NAPB: variants seen among roughly 807,000 people sequenced by gnomAD.
NAPB encodes NSF attachment protein beta.
Under a neutral mutation model 44.7 loss-of-function variants are expected in NAPB, and 26 were observed. That is an observed-to-expected ratio of 0.58 (90% CI 0.43 to 0.81). The LOEUF is 0.81. NAPB is among the 30% of genes least tolerant of loss of function. The pLI, the probability that NAPB is intolerant of heterozygous loss-of-function variation, is 0.00. For synonymous variants in NAPB, 120 were observed against 116.8 expected, an observed-to-expected ratio of 1.03 and a Z score of -0.18; for missense variants, 315 against 356.4, an observed-to-expected ratio of 0.88 and a Z score of 0.94.
At chr20:23,381,456 A>T in intron 7 of NAPB, 139 bp from the exon 8 acceptor site, 1 of 543,044 alleles carries the variant, frequency 1.8e-6, no homozygotes, top group Non-Finnish European at 3.2e-6. Context: ...TTATCCGAAT[A>T]CCATATAGTA....
At chr20:23,404,572 C>T (rs891866559) in intron 1 of NAPB, among the ~76,000 whole-genome samples, 1 of 152,066 alleles carries the variant, frequency 6.6e-6, no homozygotes, top group Non-Finnish European at 1.5e-5. Flanking sequence ...TTTTGGCATG[C>T]GTAAACTGAA....
chr20:23,379,322 C>T, intron 10 of NAPB, 123 bp downstream of exon 10: 1 of 692,768 alleles, frequency 1.4e-6, no homozygotes. Flanking sequence ...TTGGAAAATA[C>T]AACTTAAGGT....
chr20:23,379,806 C>G, intron 9 of NAPB, 61 bp downstream of exon 9: 2 of 1,245,466 alleles, frequency 1.6e-6, no homozygotes, highest in South Asian at 1.2e-5. Flanking sequence ...CCCAATCCCA[C>G]TTAGGTGTTG....
intron 1 of NAPB, among the ~76,000 whole-genome samples, chr20:23,417,493 T>G (rs148587954): frequency 1.8e-4 from 28 of 152,258 alleles, no homozygotes; most frequent in Admixed American, 7.2e-4. Flanking sequence ...GCTTTTCCAA[T>G]TCAAAACTAT....
chr20:23,389,288 G>C (rs930869490), intron 7 of NAPB, among the ~76,000 whole-genome samples: 3 of 149,400 alleles, frequency 2.0e-5, no homozygotes, highest in Non-Finnish European at 3.0e-5. Context: ...GGAGAAACTG[G>C]AACACTGTGC....
At chr20:23,402,954 A>C in intron 2 of NAPB, 39 bp downstream of exon 2, 1 of 1,497,494 alleles carries the variant, frequency 6.7e-7, no homozygotes, top group South Asian at 1.2e-5. Flanking sequence ...GTGATTTTAA[A>C]CCATTTGCCT....
chr20:23,382,290 T>A (rs1983072479), intron 7 of NAPB, among the ~76,000 whole-genome samples: 1 of 151,058 alleles, frequency 6.6e-6, no homozygotes, highest in Admixed American at 6.6e-5. Flanking sequence ...TGAGGTAACA[T>A]CCCCACCTTC....
At chr20:23,407,966 G>A (rs1380873579) in intron 1 of NAPB, among the ~76,000 whole-genome samples, 4 of 152,148 alleles carry the variant, frequency 2.6e-5, no homozygotes, top group Admixed American at 6.5e-5. Context: ...AGGAGACATC[G>A]TAGAATTGTG....
intron 1 of NAPB, among the ~76,000 whole-genome samples, chr20:23,420,404 T>A (rs1447449588): frequency 6.6e-6 from 1 of 151,612 alleles, no homozygotes; most frequent in Non-Finnish European, 1.5e-5. Context: ...AGTCAAGTAT[T>A]TACTAAAGGT....
chr20:23,383,827 CA>C (rs1983241219), intron 7 of NAPB, among the ~76,000 whole-genome samples: 1 of 152,066 alleles, frequency 6.6e-6, no homozygotes, highest in Non-Finnish European at 1.5e-5. Context: ...ATGGCTGAAA[CA>C]AAAATTCTAA....
chr20:23,385,776 AGAG>A, intron 7 of NAPB, among the ~76,000 whole-genome samples: 1 of 151,964 alleles, frequency 6.6e-6, no homozygotes, highest in African/African-American at 2.4e-5. Context: ...AGAGAGAGAG[AGAG>A]AGAGAAAGAG....
intron 7 of NAPB, among the ~76,000 whole-genome samples, chr20:23,384,005 G>GAT (rs1290367698): frequency 6.6e-6 from 1 of 152,158 alleles, no homozygotes; most frequent in African/African-American, 2.4e-5. Flanking sequence ...GCTACACAAA[G>GAT]ATATATACCA....
In NAPB at chr20:23,421,276, C is replaced by G. The variant is rs768759573; in HGVS notation, c.98+29G>C. ...GGGGCCAAGTACGGAGACCCCCCCCCCCCAGGGCACGCACGGTCTGGCGCT... is the reference window on the plus strand; with the variant it reads ...GGGGCCAAGTACGGAGACCCCCCCCGCCCAGGGCACGCACGGTCTGGCGCT... On this transcript the variant is annotated intron_variant, in intron 1 of 10. Coordinates refer to ENST00000377026, the MANE Select transcript of NAPB (RefSeq NM_022080.3). 79 of 1,452,838 alleles carry G rather than the reference C, an allele frequency of 5.4e-5. 1 individual carries two copies. The highest frequency in any genetic ancestry group is 3.0e-4 in the Admixed American group (13 of 43,568). 90.0% of individuals were successfully genotyped at this position (1,452,838 alleles called of 1,614,324 possible).
intron 8 of NAPB, 129 bp downstream of exon 8, chr20:23,381,084 A>C (rs1372282859): frequency 1.2e-5 from 8 of 680,324 alleles, no homozygotes; most frequent in Non-Finnish European, 1.3e-5. Context: ...CCACAGAATA[A>C]TACTTATTTT....
chr20:23,389,226 T>C (rs1217444219), intron 7 of NAPB, among the ~76,000 whole-genome samples: 4 of 125,900 alleles, frequency 3.2e-5, no homozygotes, highest in Non-Finnish European at 1.6e-5. Flanking sequence ...AGGGTGACTA[T>C]TATTTAAAAA....
chr20:23,417,664 T>C (rs1372832694), intron 1 of NAPB, among the ~76,000 whole-genome samples: 3 of 152,178 alleles, frequency 2.0e-5, no homozygotes, highest in Non-Finnish European at 4.4e-5. Flanking sequence ...CGTACTATAC[T>C]ACAAACTTGA....
intron 8 of NAPB, among the ~76,000 whole-genome samples, chr20:23,380,204 CAG>C (rs1982882713): frequency 6.6e-6 from 1 of 152,188 alleles, no homozygotes; most frequent in Non-Finnish European, 1.5e-5. Context: ...ACTCACAGAC[CAG>C]GTATCTGTAT....
In NAPB at chr20:23,394,963, T is replaced by G; in HGVS notation, c.379A>C (p.Ile127Leu). The change falls in exon 5 of 11, where the codon ATT becomes CTT. Residue 127 changes from isoleucine (I) to leucine (L), a missense_variant. Coordinates refer to ENST00000377026, the MANE Select transcript of NAPB (RefSeq NM_022080.3). ...AGTTCAGTCTCATAGATCTCTGCAA[T>G]AGTAATGTGGTGCTTGGCTGCAATT... ...FTIAAKHHIT[I>L]AEIYETELVD... 1 of 1,614,166 alleles carries G rather than the reference T, an allele frequency of 6.2e-7. No homozygotes were observed. Among genetic ancestry groups the G allele is most frequent in the Non-Finnish European group, 8.5e-7 (1 of 1,180,018 alleles).
At chr20:23,403,923 G>A (rs1323380537) in intron 1 of NAPB, among the ~76,000 whole-genome samples, 1 of 152,132 alleles carries the variant, frequency 6.6e-6, no homozygotes, top group Non-Finnish European at 1.5e-5. Flanking sequence ...CTCCAACCTG[G>A]AGGAAGCCTC....
Sources: allele counts gnomAD v4.1 joint callset (sites outside exome capture counted in the v4.1 genomes callset), GRCh38; gene constraint gnomAD v4.1.1; transcripts MANE v1.5; gene names NCBI Gene and HGNC (gene_info 2026-07-23, HGNC 2026-07-21).